The following ERBB4 variants were observed in gnomAD, a reference collection of about 807,000 sequenced individuals.
The protein encoded by ERBB4 is receptor tyrosine-protein kinase erbB-4.
A neutral mutation model predicts 158.0 loss-of-function variants in ERBB4; 42 were observed. The observed-to-expected ratio is 0.27, with a 90% CI of 0.21 to 0.34. The LOEUF (loss-of-function observed/expected upper bound fraction) is 0.34. Ranked by LOEUF, ERBB4 falls within the 10% of genes least tolerant of loss-of-function variation. ERBB4 has a pLI of 1.00. For synonymous variants in ERBB4, 583 were observed against 558.7 expected (o/e 1.04, Z -0.61); for missense variants, 1,333 against 1,624.1 (o/e 0.82, Z 3.08).
chr2:211,586,868 T>C (rs183671630), intron 19 of ERBB4, among the ~76,000 whole-genome samples: 19 of 152,324 alleles, frequency 1.2e-4, no homozygotes, highest in Admixed American at 1.1e-3. Flanking sequence ...TTCTTTCCGA[T>C]AATATTTATC....
At chr2:212,004,540 G>C (rs557980303) in intron 2 of ERBB4, among the ~76,000 whole-genome samples, 1 of 152,034 alleles carries the variant, frequency 6.6e-6, no homozygotes, top group Non-Finnish European at 1.5e-5. Context: ...GATTTCTAGG[G>C]AATGATTTCT....
chr2:211,566,804 A>G (rs11885579), intron 19 of ERBB4, among the ~76,000 whole-genome samples: 47,510 of 152,012 alleles, frequency 0.31, 9,721 homozygotes, highest in African/African-American at 0.58. Context: ...ATATCAGATT[A>G]AAGTCAATTT....
At chr2:212,058,757 C>T (rs926560813) in intron 2 of ERBB4, among the ~76,000 whole-genome samples, 1 of 152,182 alleles carries the variant, frequency 6.6e-6, no homozygotes, top group South Asian at 2.1e-4. Context: ...ATGCTAAAAA[C>T]TCTCAATAAA....
intron 20 of ERBB4, among the ~76,000 whole-genome samples, chr2:211,434,382 G>T (rs1438820931): frequency 6.6e-6 from 1 of 152,108 alleles, no homozygotes; most frequent in African/African-American, 2.4e-5. Flanking sequence ...AATGATATTA[G>T]CAAACTTATA....
chr2:212,333,361 T>C (rs2088272049), intron 1 of ERBB4, among the ~76,000 whole-genome samples: 1 of 131,822 alleles, frequency 7.6e-6, no homozygotes, highest in Admixed American at 8.4e-5. Context: ...CACAAAAGCA[T>C]AATCTGGGTA....
intron 10 of ERBB4, among the ~76,000 whole-genome samples, 154 bp downstream of exon 10, chr2:211,705,164 C>T (rs1210479884): frequency 6.6e-6 from 1 of 152,026 alleles, no homozygotes; most frequent in Non-Finnish European, 1.5e-5. Flanking sequence ...TCCATGTTGG[C>T]CAGGATTTCC....
At chr2:212,301,182 C>T (rs183741815) in intron 1 of ERBB4, among the ~76,000 whole-genome samples, 1 of 150,524 alleles carries the variant, frequency 6.6e-6, no homozygotes, top group Non-Finnish European at 1.5e-5. Context: ...ATTCAAGGAC[C>T]TGCCTTCATC....
At chr2:211,910,111 G>C (rs111359898) in intron 3 of ERBB4, among the ~76,000 whole-genome samples, 4 of 151,208 alleles carry the variant, frequency 2.6e-5, no homozygotes, top group Non-Finnish European at 5.9e-5. Context: ...GTAGAGACAG[G>C]GTTTCACCAT....
At chr2:212,359,120 T>C (rs2089583099) in intron 1 of ERBB4, among the ~76,000 whole-genome samples, 1 of 151,684 alleles carries the variant, frequency 6.6e-6, no homozygotes, top group African/African-American at 2.4e-5. Context: ...TTCTTAAAAA[T>C]CATGAAATCT....
intron 20 of ERBB4, among the ~76,000 whole-genome samples, chr2:211,524,906 G>A (rs988534788): frequency 9.9e-5 from 15 of 152,162 alleles, no homozygotes; most frequent in African/African-American, 3.6e-4. Context: ...AGCGAGCGAG[G>A]GCTGTAAGGA....
chr2:211,917,143 G>C (rs1381653712), intron 3 of ERBB4, among the ~76,000 whole-genome samples: 1 of 152,116 alleles, frequency 6.6e-6, no homozygotes, highest in Non-Finnish European at 1.5e-5. Context: ...AGTGCCATAA[G>C]ACAGAGTTAA....
At chr2:211,417,552 T>C (rs2063421208) in intron 25 of ERBB4, among the ~76,000 whole-genome samples, 1 of 152,234 alleles carries the variant, frequency 6.6e-6, no homozygotes, top group Non-Finnish European at 1.5e-5. Flanking sequence ...GTAAGTGTTT[T>C]CTAGCATGAC....
chr2:211,734,502 T>C lies in ERBB4; in HGVS notation c.623-9308A>G, dbSNP rs745526248. Among the ~76,000 whole-genome samples the C allele has an allele frequency of 2.0e-5, 3 of 150,532 alleles. No individual in the cohort carries two copies. The South Asian group carries it at 6.2e-4, about 31-fold the overall frequency. ...ATGTGCATCTGTGGACAAATATGTA[T>C]AGAAAAATGTTCATTAGTTGTAACT... On this transcript the variant is annotated intron_variant, in intron 5 of 27. Transcript: ENST00000342788.
intron 2 of ERBB4, among the ~76,000 whole-genome samples, chr2:212,095,827 C>A (rs971130674): frequency 2.0e-5 from 3 of 150,014 alleles, no homozygotes; most frequent in Non-Finnish European, 4.4e-5. Flanking sequence ...CCCAGCTACT[C>A]GGGAGGCTGA....
intron 1 of ERBB4, among the ~76,000 whole-genome samples, chr2:212,509,105 G>T (rs1403672473): frequency 1.3e-5 from 2 of 151,972 alleles, no homozygotes; most frequent in Admixed American, 1.3e-4. Flanking sequence ...CTTAGAAGCT[G>T]AGAATAGCCT....
intron 20 of ERBB4, among the ~76,000 whole-genome samples, chr2:211,539,981 T>C (rs1389616045): frequency 1.3e-5 from 2 of 151,932 alleles, no homozygotes; most frequent in Non-Finnish European, 2.9e-5. Context: ...TGTCCTTCAT[T>C]TTATATGATG....
intron 5 of ERBB4, among the ~76,000 whole-genome samples, chr2:211,743,996 A>G (rs570900743): frequency 6.6e-6 from 1 of 152,346 alleles, no homozygotes; most frequent in South Asian, 2.1e-4. Flanking sequence ...AATCAGACTC[A>G]TGAGTAACAC....
chr2:211,905,649 TATATATATA>T (rs1245748746), intron 3 of ERBB4, among the ~76,000 whole-genome samples: 2 of 58,064 alleles, frequency 3.4e-5, no homozygotes, highest in African/African-American at 1.8e-4. Context: ...GGAAGGATCA[TATATATATA>T]TATATATATA....
rs143579723 is a variant in ERBB4 at position 211,681,732 on chromosome 2, G to C, written c.1490-2548C>G. Among the ~76,000 whole-genome samples the C allele has an allele frequency of 9.6e-3, 1,454 of 152,126 alleles. 19 individuals carry two copies. Among genetic ancestry groups the C allele is most frequent in the South Asian group, 0.041 (200 of 4,822 alleles). ...ATTGTTTCTTATTAATGAGTATTGA[G>C]AGTCTTTTATATATTCTGCAACTAT... On this transcript the variant is annotated intron_variant, in intron 12 of 27. Coordinates refer to ENST00000342788, the MANE Select transcript of ERBB4 (RefSeq NM_005235.3).
Sources: gnomAD v4.1 joint callset for allele counts (sites outside exome capture counted in the v4.1 genomes callset) on GRCh38, gnomAD v4.1.1 for gene constraint, MANE v1.5 for transcripts, NCBI Gene and HGNC (gene_info 2026-07-23, HGNC 2026-07-21) for gene names.